The following COL19A1 variants were observed in gnomAD, a reference collection of about 807,000 sequenced individuals.
COL19A1 encodes collagen type XIX alpha 1 chain.
COL19A1 carries 159 observed loss-of-function variants against 190.2 expected under a neutral mutation model. The ratio of observed to expected loss-of-function variants is 0.84; its 90% CI spans 0.73 to 0.95. The LOEUF (loss-of-function observed/expected upper bound fraction) is 0.95. COL19A1 is among the 40% of genes least tolerant of loss of function. The probability of loss-of-function intolerance (pLI) is 0.00; values close to 1 mark genes in which losing one functional copy is unlikely to be tolerated. For missense variants in COL19A1, 1,418 were observed against 1,431.9 expected, an observed-to-expected ratio of 0.99 and a Z score of 0.16; for synonymous variants, 509 against 458.9, an observed-to-expected ratio of 1.11 and a Z score of -1.39.
At chr6:69,942,544 C>T (rs896352770) in intron 9 of COL19A1, among the ~76,000 whole-genome samples, 2 of 152,078 alleles carry the variant, frequency 1.3e-5, no homozygotes, top group African/African-American at 4.8e-5. Context: ...CTTCCCAGCC[C>T]CAGTAACCAT....
intron 14 of COL19A1, among the ~76,000 whole-genome samples, chr6:70,052,594 G>T (rs1780267568): frequency 1.3e-5 from 2 of 151,698 alleles, no homozygotes; most frequent in Non-Finnish European, 2.9e-5. Context: ...TCCATTTCTT[G>T]TAGAATGCTG....
intron 10 of COL19A1, among the ~76,000 whole-genome samples, chr6:69,960,622 AC>A: frequency 8.5e-6 from 1 of 118,146 alleles, no homozygotes; most frequent in African/African-American, 3.3e-5. Flanking sequence ...TTGTGCCCCC[AC>A]TTTTTTTTTT....
intron 42 of COL19A1, among the ~76,000 whole-genome samples, chr6:70,177,912 G>A (rs1262159797): frequency 6.6e-6 from 1 of 152,026 alleles, no homozygotes; most frequent in East Asian, 1.9e-4. Context: ...AAAAAATACT[G>A]GCCACCATTG....
chr6:70,116,733 A>G (rs1784603090), intron 16 of COL19A1, among the ~76,000 whole-genome samples: 1 of 152,150 alleles, frequency 6.6e-6, no homozygotes, highest in Admixed American at 6.5e-5. Context: ...ATGTTTCTTG[A>G]AAATTAGTCC....
intron 14 of COL19A1, among the ~76,000 whole-genome samples, chr6:70,062,789 T>G (rs573845120): frequency 2.3e-4 from 35 of 152,172 alleles, no homozygotes; most frequent in Non-Finnish European, 4.3e-4. Context: ...GAGGAAGATC[T>G]ACCAAGCAAA....
At chr6:69,952,430 A>G (rs1774179279) in intron 9 of COL19A1, among the ~76,000 whole-genome samples, 1 of 151,870 alleles carries the variant, frequency 6.6e-6, no homozygotes, top group Non-Finnish European at 1.5e-5. Flanking sequence ...AAATAAATAT[A>G]TATAATTTAT....
At chr6:70,140,905 A>G (rs1482457016) in intron 19 of COL19A1, 49 bp from the exon 20 acceptor site, 4 of 1,585,574 alleles carry the variant, frequency 2.5e-6, no homozygotes, top group African/African-American at 1.3e-5. Flanking sequence ...CGGTTTGGAG[A>G]GTTTATTTCT....
chr6:70,051,380 T>C lies in COL19A1; in HGVS notation c.1170+15441T>C, dbSNP rs545175459. On this transcript the variant is annotated intron_variant, in intron 14 of 50. Transcript: ENST00000620364. ...TGGCAGAAGACATGAAACTTCTGAG[T>C]CAGAGAAAAAGGCATTATTACTCAT... 2.0e-5 allele frequency among the ~76,000 whole-genome samples: 3 copies of C among 152,104 alleles called. No individual in the cohort carries two copies. The East Asian group carries it at 5.8e-4, about 29-fold the overall frequency.
chr6:70,156,023 C>A, intron 31 of COL19A1, 104 bp from the exon 32 acceptor site: 1 of 824,734 alleles, frequency 1.2e-6, no homozygotes, highest in South Asian at 1.8e-5. Context: ...CTATCTATAT[C>A]ACTCATCTCC....
At chr6:69,898,553 G>A (rs1439872665) in intron 2 of COL19A1, among the ~76,000 whole-genome samples, 2 of 151,920 alleles carry the variant, frequency 1.3e-5, no homozygotes, top group Non-Finnish European at 2.9e-5. Context: ...TTTCATATCA[G>A]CCAACACCAA....
At chr6:69,965,841 G>A (rs1217092760) in intron 11 of COL19A1, among the ~76,000 whole-genome samples, 2 of 152,052 alleles carry the variant, frequency 1.3e-5, no homozygotes, top group African/African-American at 4.8e-5. Context: ...AAGGATCCTT[G>A]GGCTCTCCAA....
chr6:70,064,621 C>A (rs1338508979), intron 14 of COL19A1, among the ~76,000 whole-genome samples: 2 of 151,990 alleles, frequency 1.3e-5, no homozygotes, highest in Non-Finnish European at 2.9e-5. Flanking sequence ...GGCAATCAGG[C>A]AGGAGAAGGA....
chr6:69,987,205 C>G (rs1032419670), intron 11 of COL19A1, among the ~76,000 whole-genome samples: 1 of 152,176 alleles, frequency 6.6e-6, no homozygotes, highest in Admixed American at 6.6e-5. Context: ...ACTAGCTACA[C>G]CAACACAAAA....
intron 11 of COL19A1, among the ~76,000 whole-genome samples, chr6:69,993,607 GC>G (rs1258737530): frequency 6.6e-6 from 1 of 152,024 alleles, no homozygotes; most frequent in East Asian, 1.9e-4. Flanking sequence ...TAGTTGGTAA[GC>G]TTTTCATTAC....
chr6:70,180,621 A>C lies in COL19A1; in HGVS notation c.2775+98A>C. ...CAGAAATTCTGAGATTTGAATAAGC[A>C]GTTTCCAAGGAGTAAGAAGAATGCA... On this transcript the variant is annotated intron_variant, in intron 44 of 50. Coordinates refer to ENST00000620364, the MANE Select transcript of COL19A1 (RefSeq NM_001858.6). 7 of 1,302,998 alleles carry C rather than the reference A, an allele frequency of 5.4e-6. No individual in the cohort carries two copies. The South Asian group carries it at 8.6e-5, about 16-fold the overall frequency. 80.7% of individuals were successfully genotyped at this position (1,302,998 alleles called of 1,614,324 possible). A position where few individuals can be genotyped will look rare whatever the true frequency, so the allele number is the denominator to read the frequency against.
intron 11 of COL19A1, among the ~76,000 whole-genome samples, chr6:69,974,462 A>C (rs1331550169): frequency 6.6e-6 from 1 of 152,168 alleles, no homozygotes; most frequent in Non-Finnish European, 1.5e-5. Context: ...TGTACAAATG[A>C]ATCATGCAGT....
At chr6:70,139,134 AG>A in intron 19 of COL19A1, among the ~76,000 whole-genome samples, 1 of 152,296 alleles carries the variant, frequency 6.6e-6, no homozygotes, top group Admixed American at 6.5e-5. Flanking sequence ...TCAGTGAGTT[AG>A]AGCGGTGCTT....
chr6:70,187,291 G>A (rs770742866), intron 46 of COL19A1, among the ~76,000 whole-genome samples: 6 of 151,978 alleles, frequency 3.9e-5, no homozygotes, highest in Admixed American at 6.6e-5. Flanking sequence ...TCACCATCCC[G>A]TGGGTATATA....
At chr6:69,968,153 C>T (rs1775229001) in intron 11 of COL19A1, among the ~76,000 whole-genome samples, 1 of 152,058 alleles carries the variant, frequency 6.6e-6, no homozygotes, top group Admixed American at 6.6e-5. Context: ...TATATGCCAC[C>T]TTTTGCCTTC....
Sources: allele counts gnomAD v4.1 joint callset (sites outside exome capture counted in the v4.1 genomes callset), GRCh38; gene constraint gnomAD v4.1.1; transcripts MANE v1.5; gene names NCBI Gene and HGNC (gene_info 2026-07-23, HGNC 2026-07-21).